The following ADGRB3 variants were observed in gnomAD, a reference collection of about 807,000 sequenced individuals.
ADGRB3 encodes the protein adhesion G protein-coupled receptor B3, also known as brain-specific angiogenesis inhibitor 3.
Under a neutral mutation model 193.4 loss-of-function variants are expected in ADGRB3, and 37 were observed. That is an observed-to-expected ratio of 0.19 (90% CI 0.15 to 0.25). The LOEUF (loss-of-function observed/expected upper bound fraction) is 0.25, where lower values mean the gene tolerates loss of function less well. ADGRB3 is among the 10% of genes least tolerant of loss of function. The pLI, the probability that ADGRB3 is intolerant of heterozygous loss-of-function variation, is 1.00. For missense variants in ADGRB3, 1,637 were observed against 1,852.9 expected (o/e 0.88, Z 2.14); for synonymous variants, 690 against 644.2 (o/e 1.07, Z -1.08).
chr6:69,025,364 T>G (rs1320613), intron 13 of ADGRB3, among the ~76,000 whole-genome samples: 1 of 151,938 alleles, frequency 6.6e-6, no homozygotes, highest in South Asian at 2.1e-4. Flanking sequence ...GACAATATTA[T>G]TCTAAAATAT....
intron 17 of ADGRB3, among the ~76,000 whole-genome samples, chr6:69,174,910 T>C (rs7767503): frequency 1.8e-3 from 274 of 152,368 alleles, no homozygotes; most frequent in African/African-American, 6.2e-3. Flanking sequence ...GTGTCTTCTT[T>C]TGAAAAGTAT....
intron 3 of ADGRB3, among the ~76,000 whole-genome samples, chr6:68,898,657 G>A (rs1377982871): frequency 1.3e-5 from 2 of 152,052 alleles, no homozygotes; most frequent in African/African-American, 2.4e-5. Context: ...GTGTGGAAAA[G>A]GGGAAAGTAG....
chr6:69,121,436 G>T (rs920387147), intron 17 of ADGRB3, among the ~76,000 whole-genome samples: 1 of 151,924 alleles, frequency 6.6e-6, no homozygotes, highest in Non-Finnish European at 1.5e-5. Flanking sequence ...AATCTGATCT[G>T]TCTTTCTTTT....
intron 17 of ADGRB3, among the ~76,000 whole-genome samples, chr6:69,156,632 C>G (rs571392853): frequency 6.6e-6 from 1 of 152,262 alleles, no homozygotes; most frequent in East Asian, 1.9e-4. Context: ...AAGAGAACAA[C>G]ATGATGGCTG....
At chr6:68,695,673 T>A (rs1379103583) in intron 3 of ADGRB3, among the ~76,000 whole-genome samples, 1 of 151,886 alleles carries the variant, frequency 6.6e-6, no homozygotes, top group African/African-American at 2.4e-5. Flanking sequence ...TCTTAACTAC[T>A]GTTAAGAGTC....
chr6:69,116,109 A>G (rs1490536441), intron 17 of ADGRB3, among the ~76,000 whole-genome samples: 1 of 152,234 alleles, frequency 6.6e-6, no homozygotes, highest in Admixed American at 6.5e-5. Flanking sequence ...TCTATGTTAC[A>G]GTTGTCAGGC....
At chr6:68,717,253 T>A (rs1582143632) in intron 3 of ADGRB3, among the ~76,000 whole-genome samples, 1 of 151,750 alleles carries the variant, frequency 6.6e-6, no homozygotes, top group African/African-American at 2.4e-5. Context: ...AAGGTTCTTA[T>A]AGCAATATAT....
At chr6:69,279,973 T>A (rs147298368) in intron 20 of ADGRB3, among the ~76,000 whole-genome samples, 1 of 152,274 alleles carries the variant, frequency 6.6e-6, no homozygotes, top group African/African-American at 2.4e-5. Context: ...GCTGCTGTAG[T>A]CAGTCATAGG....
chr6:68,959,709 T>C (rs1460520496), intron 8 of ADGRB3, among the ~76,000 whole-genome samples: 1 of 152,122 alleles, frequency 6.6e-6, no homozygotes, highest in Non-Finnish European at 1.5e-5. Flanking sequence ...AGTGTCATCA[T>C]TGATGACAAA....
intron 8 of ADGRB3, among the ~76,000 whole-genome samples, chr6:68,971,564 C>T (rs941149492): frequency 6.6e-6 from 1 of 151,866 alleles, no homozygotes; most frequent in African/African-American, 2.4e-5. Flanking sequence ...GCGTAGGTTT[C>T]AAATACTATA....
In ADGRB3 at chr6:68,956,197, T is replaced by C; in HGVS notation, c.1360+9T>C. ...TAACCCTGAATGTACAGGTAGGGCT[T>C]GATTCCTGCATATCATGGGCACTCG... On this transcript the variant is annotated intron_variant, in intron 7 of 31. Transcript: ENST00000370598. 1 of 1,596,994 alleles carries C rather than the reference T, an allele frequency of 6.3e-7. No homozygotes were observed. Among genetic ancestry groups the C allele is most frequent in the South Asian group, 1.1e-5 (1 of 89,686 alleles).
At chr6:68,924,501 G>A (rs1479164862) in intron 3 of ADGRB3, among the ~76,000 whole-genome samples, 2 of 151,870 alleles carry the variant, frequency 1.3e-5, no homozygotes, top group Non-Finnish European at 2.9e-5. Context: ...TAAATATACC[G>A]AATATATTTG....
At chr6:68,665,235 A>G (rs1768772675) in intron 3 of ADGRB3, among the ~76,000 whole-genome samples, 1 of 151,552 alleles carries the variant, frequency 6.6e-6, no homozygotes, top group Non-Finnish European at 1.5e-5. Context: ...GATCCCTGAA[A>G]GTATAGTCTT....
chr6:68,708,604 G>A (rs1039117519), intron 3 of ADGRB3, among the ~76,000 whole-genome samples: 2 of 152,092 alleles, frequency 1.3e-5, no homozygotes, highest in African/African-American at 2.4e-5. Context: ...AAACAAAACC[G>A]AAGACGTCCA....
intron 11 of ADGRB3, among the ~76,000 whole-genome samples, chr6:68,998,895 G>A (rs1320940645): frequency 1.3e-5 from 2 of 152,106 alleles, no homozygotes; most frequent in African/African-American, 4.8e-5. Context: ...TTTCCTAAAA[G>A]TACCCATCTT....
chr6:69,290,335 C>A (rs1263798990), intron 20 of ADGRB3, among the ~76,000 whole-genome samples: 1 of 152,064 alleles, frequency 6.6e-6, no homozygotes, highest in Non-Finnish European at 1.5e-5. Context: ...AGCCATCGCA[C>A]AAAGGAGAAG....
rs1232363748 is a variant in ADGRB3, at chr6:69,308,469, ATAATTTATTCCAGTTGGTTCGTACT to A, written c.2815-16401_2815-16377del. 1.2e-3 allele frequency among the ~76,000 whole-genome samples: 177 copies of A among 150,206 alleles called. 2 individuals carry two copies. The highest frequency in any genetic ancestry group is 4.3e-3 in the African/African-American group (170 of 39,978). On this transcript the variant is annotated intron_variant, in intron 20 of 31. Transcript: ENST00000370598. ...TTAATTTCAGAGCAGGGAAATCAAT[ATAATTTATTCCAGTTGGTTCGTACT>A]TTGCATTTCCTAAGCACAGCATATG...
At chr6:68,661,397 A>C (rs1453847940) in intron 3 of ADGRB3, among the ~76,000 whole-genome samples, 1 of 54,854 alleles carries the variant, frequency 1.8e-5, no homozygotes, top group African/African-American at 8.0e-5. Context: ...ATATGTGTGT[A>C]TACATATATA....
At chr6:68,770,975 T>C (rs975466126) in intron 3 of ADGRB3, among the ~76,000 whole-genome samples, 1 of 152,106 alleles carries the variant, frequency 6.6e-6, no homozygotes. Flanking sequence ...TTATTATCAA[T>C]TTGGAAAAGT....
Sources: allele counts gnomAD v4.1 joint callset (sites outside exome capture counted in the v4.1 genomes callset), GRCh38; gene constraint gnomAD v4.1.1; transcripts MANE v1.5; gene names NCBI Gene and HGNC (gene_info 2026-07-23, HGNC 2026-07-21).